The following FNBP1 variants were observed in gnomAD, a reference collection of about 807,000 sequenced individuals.
FNBP1 encodes formin binding protein 1.
In FNBP1, 26 loss-of-function variants were observed where a neutral mutation model predicts 90.6. The observed-to-expected ratio is 0.29, with a 90% CI of 0.21 to 0.40. FNBP1 has a LOEUF of 0.40. Ranked by LOEUF, FNBP1 falls within the 10% of genes least tolerant of loss-of-function variation. FNBP1 has a pLI of 1.00. For missense variants in FNBP1, 635 were observed against 768.0 expected (o/e 0.83, Z 2.05); for synonymous variants, 260 against 265.2 (o/e 0.98, Z 0.19).
At chr9:129,915,077 G>T in intron 11 of FNBP1, 1 of 225,558 alleles carries the variant, frequency 4.4e-6, no homozygotes. Context: ...AGGCTTAGGA[G>T]GCTCTTTTCA....
rs933255498 is a variant in FNBP1 at position 130,042,097 on chromosome 9, AGCCCCTCGCCTT to A, written c.24+843_24+854del. Among the ~76,000 whole-genome samples the A allele has an allele frequency of 1.3e-5, 2 of 152,010 alleles. No individual in the cohort carries two copies. The highest frequency in any genetic ancestry group is 4.8e-5 in the African/African-American group (2 of 41,394). On this transcript the variant is annotated intron_variant, in intron 1 of 16. Transcript: ENST00000446176. The surrounding 1 kb of genome is among the most constrained non-coding windows in gnomAD (Gnocchi z 5.5). ...CAGGAAAAGAGCTCCATCCACAGCC[AGCCCCTCGCCTT>A]TCCGGGGACGGCCCTCAGCCCTGAG...
rs543395939 is a variant in FNBP1 at position 129,989,234 on chromosome 9, T to C, written c.140+5609A>G. ...ACATGCTATCTTTAAATGCTCGAAT[T>C]CTTTGCTAATTTGCATGCAGTTCTG... On this transcript the variant is annotated intron_variant, in intron 2 of 16. Coordinates refer to ENST00000446176, the MANE Select transcript of FNBP1 (RefSeq NM_015033.3). Among the ~76,000 whole-genome samples, 3 of 152,340 alleles carry C rather than the reference T, an allele frequency of 2.0e-5. No individual in the cohort carries two copies. The South Asian group carries it at 6.2e-4, about 32-fold the overall frequency.
At chr9:129,958,981 G>A (rs1328506728) in intron 4 of FNBP1, among the ~76,000 whole-genome samples, 7 of 478 alleles carry the variant, frequency 0.015, no homozygotes, top group Non-Finnish European at 0.036. Flanking sequence ...GTGAAACTCT[G>A]CCTCAAAAAA....
rs760352463 is a variant in FNBP1 at position 129,890,815 on chromosome 9, C to T, written c.1847-269G>A. ...CAAACAGGAGACTGATGAGGCCATC[C>T]GCCCCAACTCGTCTTTCTCATAAGT... is the stretch of plus-strand genomic sequence containing the variant. On this transcript the variant is annotated intron_variant, in intron 16 of 16. Transcript: ENST00000446176. This position sits in a 1 kb window ranked among gnomAD's most constrained non-coding sequence, Gnocchi z 5.8. Among the ~76,000 whole-genome samples, 2 of 152,132 alleles carry T rather than the reference C, an allele frequency of 1.3e-5. No homozygotes were observed. Among genetic ancestry groups the T allele is most frequent in the Non-Finnish European group, 2.9e-5 (2 of 68,018 alleles).
At chr9:130,051,183 G>A in the FNBP1 span, among the ~76,000 whole-genome samples, 1 of 152,090 alleles carries the variant, frequency 6.6e-6, no homozygotes, top group East Asian at 1.9e-4. Flanking sequence ...TTACAGGCCT[G>A]AGCCACCGCC....
At chr9:129,955,926 G>T (rs2132739904) in intron 6 of FNBP1, among the ~76,000 whole-genome samples, 1 of 151,460 alleles carries the variant, frequency 6.6e-6, no homozygotes, top group Admixed American at 6.6e-5. Flanking sequence ...GAAACTTTGG[G>T]CTAATCTAAC....
intron 6 of FNBP1, among the ~76,000 whole-genome samples, chr9:129,944,465 C>A (rs1386778959): frequency 1.3e-5 from 2 of 150,836 alleles, no homozygotes; most frequent in Admixed American, 6.6e-5. Context: ...TGCTTGAACC[C>A]GGGAGGCAGA....
At chr9:130,035,340 C>T (rs779189078) in intron 1 of FNBP1, among the ~76,000 whole-genome samples, 2 of 152,140 alleles carry the variant, frequency 1.3e-5, no homozygotes, top group Admixed American at 6.5e-5. Flanking sequence ...ATACAGAGGC[C>T]GAGCCATTTC....
intron 10 of FNBP1, 22 bp from the exon 11 acceptor site, chr9:129,916,002 G>T: frequency 6.3e-7 from 1 of 1,579,432 alleles, no homozygotes; most frequent in Non-Finnish European, 8.7e-7. Flanking sequence ...AATTGGAGAG[G>T]TATGGGAAAA....
At chr9:130,004,527 T>A (rs2055367489) in intron 1 of FNBP1, among the ~76,000 whole-genome samples, 1 of 152,168 alleles carries the variant, frequency 6.6e-6, no homozygotes, top group South Asian at 2.1e-4. Context: ...CAGTTTTTGA[T>A]AAATTCACCT....
chr9:129,942,368 C>A (rs1049924889), intron 6 of FNBP1, among the ~76,000 whole-genome samples: 1 of 152,116 alleles, frequency 6.6e-6, no homozygotes, highest in African/African-American at 2.4e-5. Context: ...TAATGGCCGC[C>A]CCCTTTACGT....
At chr9:129,936,146 G>A (rs2043425410) in intron 6 of FNBP1, among the ~76,000 whole-genome samples, 1 of 152,120 alleles carries the variant, frequency 6.6e-6, no homozygotes, top group Non-Finnish European at 1.5e-5. Flanking sequence ...CCAAAAGTTT[G>A]GGGAAAGCCA....
At chr9:130,040,931 G>C (rs2059765730) in intron 1 of FNBP1, among the ~76,000 whole-genome samples, 1 of 151,308 alleles carries the variant, frequency 6.6e-6, no homozygotes, top group South Asian at 2.1e-4. Context: ...GCAAATATAA[G>C]ATTTCATATC....
intron 4 of FNBP1, among the ~76,000 whole-genome samples, chr9:129,974,064 C>G: frequency 6.6e-6 from 1 of 152,078 alleles, no homozygotes; most frequent in East Asian, 1.9e-4. Flanking sequence ...CTCAAGTGAT[C>G]TGCCCGCCTC....
chr9:129,970,684 G>A (rs1490974889), intron 4 of FNBP1, among the ~76,000 whole-genome samples: 3 of 152,022 alleles, frequency 2.0e-5, no homozygotes, highest in South Asian at 2.1e-4. Context: ...AAGAGATGGC[G>A]AACATCTCAC....
intron 2 of FNBP1, among the ~76,000 whole-genome samples, chr9:129,983,153 C>A (rs1182236094): frequency 6.6e-6 from 1 of 152,112 alleles, no homozygotes; most frequent in Non-Finnish European, 1.5e-5. Flanking sequence ...TTGAAGGAAG[C>A]CTTACGTGAC....
rs772227655 is a variant in FNBP1, at chr9:129,895,823, T to A, written c.1846+15A>T. On this transcript the variant is annotated intron_variant, in intron 16 of 16. Coordinates refer to ENST00000446176, the MANE Select transcript of FNBP1 (RefSeq NM_015033.3). Reference sequence around the variant, plus strand: ...AGTTTTTTTTTTTTATGGTATTAAATATAAGTCTTAGCACCTTTGGCATTT... The same window carrying A: ...AGTTTTTTTTTTTTATGGTATTAAAAATAAGTCTTAGCACCTTTGGCATTT... The A allele has an allele frequency of 6.4e-7, 1 of 1,564,622 alleles. No homozygotes were observed. The highest frequency in any genetic ancestry group is 2.3e-5 in the East Asian group (1 of 43,700).
chr9:129,895,731 A>G, intron 16 of FNBP1, 107 bp downstream of exon 16: 1 of 1,401,018 alleles, frequency 7.1e-7, no homozygotes, highest in Non-Finnish European at 9.2e-7. Context: ...GGTGCTTGCC[A>G]GCCAGTCTCT....
intron 16 of FNBP1, chr9:129,895,630 AG>A: frequency 8.1e-7 from 1 of 1,239,546 alleles, no homozygotes; most frequent in African/African-American, 1.5e-5. Context: ...TTCATCAGCA[AG>A]TGAAACTTGA....
Sources: allele counts gnomAD v4.1 joint callset (sites outside exome capture counted in the v4.1 genomes callset), GRCh38; gene constraint gnomAD v4.1.1; non-coding constraint Gnocchi (gnomAD v3.1); transcripts MANE v1.5; gene names NCBI Gene and HGNC (gene_info 2026-07-23, HGNC 2026-07-21).